Variants in FRMD5 observed in about 807,000 individuals in gnomAD.
FRMD5 encodes FERM domain containing 5, also known as FERM domain-containing protein 5.
A neutral mutation model predicts 69.0 loss-of-function variants in FRMD5; 20 were observed. The observed-to-expected ratio is 0.29, with a 90% CI of 0.20 to 0.42. The LOEUF (loss-of-function observed/expected upper bound fraction) is 0.42, where lower values mean the gene tolerates loss of function less well. Ranked by LOEUF, FRMD5 falls within the 10% of genes least tolerant of loss-of-function variation. FRMD5 has a pLI of 1.00. For synonymous variants in FRMD5, 271 were observed against 260.1 expected, an observed-to-expected ratio of 1.04 and a Z score of -0.40; for missense variants, 595 against 708.6, an observed-to-expected ratio of 0.84 and a Z score of 1.82.
rs375230009 is a variant in FRMD5, at chr15:44,100,047, CTTTT to C, written c.102+94902_102+94905del. Among the ~76,000 whole-genome samples, 6 of 129,252 alleles carry C rather than the reference CTTTT, an allele frequency of 4.6e-5. No homozygotes were observed. In the East Asian group the frequency reaches 6.6e-4, roughly 14 times the overall value. The allele number at this position is 129,252 out of a possible 152,430, so 84.8% of individuals were successfully genotyped here. On this transcript the variant is annotated intron_variant, in intron 1 of 13. Transcript: ENST00000417257. ...ACTGTATCTAATAGCTTCTTCTTCT[CTTTT>C]TTTTTTTTTTTTTTTTTAAGATGGA...
intron 1 of FRMD5, among the ~76,000 whole-genome samples, chr15:43,931,907 C>T (rs945113741): frequency 1.3e-5 from 2 of 152,132 alleles, no homozygotes; most frequent in Non-Finnish European, 2.9e-5. Flanking sequence ...GCACAGGGAG[C>T]AGAAAGGGGA....
At chr15:43,910,572 CAAAAAAAAAAAA>C (rs1167867396) in intron 4 of FRMD5, among the ~76,000 whole-genome samples, 1,778 of 40,420 alleles carry the variant, frequency 0.044, 58 homozygotes, top group African/African-American at 0.12. Context: ...GACCTTGTCT[CAAAAAAAAAAAA>C]AAAAAAAAAA....
chr15:44,193,360 T>C (rs1406603275), intron 1 of FRMD5, among the ~76,000 whole-genome samples: 1 of 152,020 alleles, frequency 6.6e-6, no homozygotes, highest in African/African-American at 2.4e-5. Flanking sequence ...TAAAGACTTT[T>C]AAAAAGCTCT....
intron 1 of FRMD5, among the ~76,000 whole-genome samples, chr15:44,056,003 A>G (rs1008943644): frequency 3.3e-5 from 5 of 152,192 alleles, no homozygotes; most frequent in Admixed American, 6.5e-5. Context: ...TTTGTCCCCA[A>G]ATTGAAATAA....
chr15:44,118,524 T>C (rs1205985073), intron 1 of FRMD5, among the ~76,000 whole-genome samples: 1 of 152,216 alleles, frequency 6.6e-6, no homozygotes, highest in Non-Finnish European at 1.5e-5. Flanking sequence ...TCAATCACTT[T>C]CTTGGCCCCT....
At chr15:44,139,152 C>T (rs1017783719) in intron 1 of FRMD5, among the ~76,000 whole-genome samples, 1 of 151,786 alleles carries the variant, frequency 6.6e-6, no homozygotes, top group South Asian at 2.1e-4. Context: ...TTTTAAAAAG[C>T]GGAACTAGAA....
intron 1 of FRMD5, among the ~76,000 whole-genome samples, chr15:44,184,717 T>C (rs1394517928): frequency 6.6e-6 from 1 of 152,208 alleles, no homozygotes; most frequent in African/African-American, 2.4e-5. Flanking sequence ...AGAAGGGCTA[T>C]CTTGTTCAGG....
intron 1 of FRMD5, among the ~76,000 whole-genome samples, chr15:44,063,305 A>T (rs1893171640): frequency 6.6e-6 from 1 of 152,172 alleles, no homozygotes; most frequent in South Asian, 2.1e-4. Flanking sequence ...TTGGTTGTTT[A>T]TGTCTCTCAA....
intron 1 of FRMD5, among the ~76,000 whole-genome samples, chr15:44,005,743 C>T (rs1477892729): frequency 6.6e-6 from 1 of 152,050 alleles, no homozygotes; most frequent in East Asian, 1.9e-4. Flanking sequence ...CCAAGAACAG[C>T]ACTAGGGGGA....
At chr15:44,113,606 A>C (rs541301119) in intron 1 of FRMD5, among the ~76,000 whole-genome samples, 56 of 152,278 alleles carry the variant, frequency 3.7e-4, no homozygotes, top group Non-Finnish European at 7.1e-4. Flanking sequence ...TTAAATTATT[A>C]TTGACTGTAG....
In FRMD5 at chr15:44,139,300, C is replaced by T. The variant is rs1435976234; in HGVS notation, c.102+55653G>A. ...CCATCTATAGCTCCCCCTCTCTCTA[C>T]ACACACACACACACACACACACACA... On this transcript the variant is annotated intron_variant, in intron 1 of 13. Coordinates refer to ENST00000417257, the MANE Select transcript of FRMD5 (RefSeq NM_032892.5). Among the ~76,000 whole-genome samples the T allele has an allele frequency of 1.2e-3, 138 of 118,318 alleles. 2 individuals carry two copies. In the East Asian group the frequency reaches 0.024, roughly 21 times the overall value. 77.6% of individuals were successfully genotyped at this position (118,318 alleles called of 152,430 possible).
intron 1 of FRMD5, among the ~76,000 whole-genome samples, chr15:44,165,638 C>G (rs976746711): frequency 1.3e-5 from 2 of 152,074 alleles, no homozygotes; most frequent in East Asian, 3.9e-4. Context: ...GAGTTTGAAA[C>G]CAGCCTGGGC....
intron 1 of FRMD5, among the ~76,000 whole-genome samples, chr15:44,042,029 T>A (rs1485742708): frequency 1.3e-5 from 2 of 151,990 alleles, no homozygotes; most frequent in Non-Finnish European, 2.9e-5. Context: ...ATAGATAGAC[T>A]ACTAGCCAGA....
chr15:44,169,261 A>G (rs2140523426), intron 1 of FRMD5, among the ~76,000 whole-genome samples: 1 of 152,212 alleles, frequency 6.6e-6, no homozygotes, highest in South Asian at 2.1e-4. Context: ...AGGGTATGCT[A>G]TACCCTATCT....
chr15:44,070,566 T>G (rs567409769), intron 1 of FRMD5, among the ~76,000 whole-genome samples: 6 of 152,236 alleles, frequency 3.9e-5, no homozygotes, highest in Non-Finnish European at 1.5e-5. Context: ...ATAAGTAATC[T>G]GTGGAGCCTC....
At chr15:43,914,696 C>T (rs1037006538) in intron 4 of FRMD5, among the ~76,000 whole-genome samples, 1 of 147,898 alleles carries the variant, frequency 6.8e-6, no homozygotes, top group African/African-American at 2.6e-5. Flanking sequence ...TCATTCAGTC[C>T]TCCCAGCAAC....
intron 7 of FRMD5, among the ~76,000 whole-genome samples, chr15:43,898,375 T>C (rs1299559033): frequency 6.6e-6 from 1 of 152,250 alleles, no homozygotes; most frequent in Non-Finnish European, 1.5e-5. Context: ...CTTCAGAGGC[T>C]CAGTATTCTT....
chr15:43,974,202 T>C lies in FRMD5; in HGVS notation c.103-49893A>G, dbSNP rs187483909. On this transcript the variant is annotated intron_variant, in intron 1 of 13. Transcript: ENST00000417257. ...AAGTGAGAGGCAAGGAAGAAAACTTTCCCATGAGAATAAAAATCTCAGGTG... is the reference window on the plus strand; with the variant it reads ...AAGTGAGAGGCAAGGAAGAAAACTTCCCCATGAGAATAAAAATCTCAGGTG... 1.3e-3 allele frequency among the ~76,000 whole-genome samples: 193 copies of C among 152,166 alleles called. 1 individual carries two copies. Among genetic ancestry groups the C allele is most frequent in the Non-Finnish European group, 2.5e-3 (169 of 68,000 alleles).
intron 1 of FRMD5, among the ~76,000 whole-genome samples, chr15:44,181,459 TA>T (rs2077999407): frequency 6.6e-6 from 1 of 152,144 alleles, no homozygotes; most frequent in African/African-American, 2.4e-5. Flanking sequence ...CTTACATAAC[TA>T]TAGTATGTTA....
Sources: allele counts gnomAD v4.1 joint callset (sites outside exome capture counted in the v4.1 genomes callset), GRCh38; gene constraint gnomAD v4.1.1; transcripts MANE v1.5; gene names NCBI Gene and HGNC (gene_info 2026-07-23, HGNC 2026-07-21).